Variants in MAP3K5 observed in about 807,000 individuals in gnomAD.
The protein encoded by MAP3K5 is mitogen-activated protein kinase kinase kinase 5.
MAP3K5 carries 56 observed loss-of-function variants against 158.7 expected under a neutral mutation model. That is an observed-to-expected ratio of 0.35 (90% CI 0.28 to 0.44). MAP3K5 has a LOEUF of 0.44. Ranked by LOEUF, MAP3K5 falls within the 20% of genes least tolerant of loss-of-function variation. MAP3K5 has a pLI of 1.00. For missense variants in MAP3K5, 1,294 were observed against 1,674.8 expected, an observed-to-expected ratio of 0.77 and a Z score of 3.97; for synonymous variants, 579 against 601.7, an observed-to-expected ratio of 0.96 and a Z score of 0.55.
chr6:136,749,562 G>T (rs1441933741), intron 1 of MAP3K5, among the ~76,000 whole-genome samples: 1 of 151,768 alleles, frequency 6.6e-6, no homozygotes, highest in Non-Finnish European at 1.5e-5. Flanking sequence ...CAGCACCTAG[G>T]GAATGCTCAT....
At chr6:136,708,690 A>G (rs1781179786) in intron 2 of MAP3K5, among the ~76,000 whole-genome samples, 1 of 152,206 alleles carries the variant, frequency 6.6e-6, no homozygotes, top group Non-Finnish European at 1.5e-5. Context: ...TTGTAGAGGA[A>G]GGTTGAAAGT....
chr6:136,792,112 A>C lies in MAP3K5; in HGVS notation c.46T>G (p.Phe16Val). 1 of 1,585,980 alleles carries C rather than the reference A, an allele frequency of 6.3e-7. No individual in the cohort carries two copies. Among genetic ancestry groups the C allele is most frequent in the South Asian group, 1.1e-5 (1 of 88,520 alleles). The change falls in exon 1 of 30, where the codon TTC becomes GTC. Residue 16 changes from phenylalanine to valine, a missense_variant. Coordinates refer to ENST00000359015, the MANE Select transcript of MAP3K5 (RefSeq NM_005923.4). This position sits in a 1 kb window ranked among gnomAD's most constrained non-coding sequence, Gnocchi z 5.7. ...ATGGTGCAGAAGCCCGAGGGGGCGA[A>C]GGGTGGCACAGAGAAAGTGATGCCC... ...DEGITFSVPP[F>V]APSGFCTIPE...
intron 11 of MAP3K5, among the ~76,000 whole-genome samples, chr6:136,650,176 G>A (rs556810517): frequency 6.6e-6 from 1 of 152,266 alleles, no homozygotes; most frequent in Admixed American, 6.5e-5. Context: ...CAGAGTAAGT[G>A]CTCAATAAAC....
At chr6:136,651,884 CTA>C (rs1345201910) in intron 10 of MAP3K5, among the ~76,000 whole-genome samples, 1 of 152,056 alleles carries the variant, frequency 6.6e-6, no homozygotes, top group South Asian at 2.1e-4. Context: ...TTCAAAGGTG[CTA>C]TGATTCATTA....
intron 26 of MAP3K5, among the ~76,000 whole-genome samples, chr6:136,566,161 G>A (rs562505802): frequency 2.0e-5 from 3 of 152,274 alleles, no homozygotes; most frequent in East Asian, 1.9e-4. Flanking sequence ...CGAGCACAAC[G>A]CTAACCAAAT....
chr6:136,580,530 G>A, intron 24 of MAP3K5, 124 bp from the exon 25 acceptor site: 1 of 566,974 alleles, frequency 1.8e-6, no homozygotes, highest in Non-Finnish European at 3.2e-6. Context: ...TGAATTCTTT[G>A]TAATTCTTTA....
intron 15 of MAP3K5, among the ~76,000 whole-genome samples, chr6:136,619,668 G>A (rs1391718417): frequency 2.0e-5 from 3 of 152,208 alleles, no homozygotes; most frequent in Non-Finnish European, 4.4e-5. Flanking sequence ...GACTAGGAGT[G>A]GAGGAAAGAG....
intron 24 of MAP3K5, among the ~76,000 whole-genome samples, chr6:136,582,983 C>T (rs1359485775): frequency 6.6e-6 from 1 of 152,188 alleles, no homozygotes; most frequent in African/African-American, 2.4e-5. Flanking sequence ...TCTCAGCAAT[C>T]TCTCATTAGA....
intron 1 of MAP3K5, among the ~76,000 whole-genome samples, chr6:136,759,337 T>C (rs1196132975): frequency 6.6e-6 from 1 of 151,524 alleles, no homozygotes; most frequent in African/African-American, 2.4e-5. Flanking sequence ...ACCATGTTCC[T>C]ATAAAGATAA....
intron 24 of MAP3K5, among the ~76,000 whole-genome samples, chr6:136,580,970 G>C (rs1363531479): frequency 6.6e-6 from 1 of 151,992 alleles, no homozygotes; most frequent in African/African-American, 2.4e-5. Context: ...ATGAGCCACC[G>C]TGCCTGGCCA....
At chr6:136,780,024 T>C (rs768583881) in intron 1 of MAP3K5, among the ~76,000 whole-genome samples, 4 of 152,202 alleles carry the variant, frequency 2.6e-5, no homozygotes, top group Non-Finnish European at 5.9e-5. Context: ...CTGCTGAGAA[T>C]GACCAACCTT....
At position 136,711,673 on chromosome 6, in the gene MAP3K5, AAG is replaced by A. The variant is rs1453467181; in HGVS notation, c.589-6542_589-6541del. On this transcript the variant is annotated intron_variant, in intron 2 of 29. Transcript: ENST00000359015. ...CAAAGTCAGACCTCTCAAAAAAAAA[AAG>A]AAAGAAAGAAAGAAAGAAAAAAGAA... Among the ~76,000 whole-genome samples the A allele has an allele frequency of 2.4e-4, 9 of 37,114 alleles. 1 individual carries two copies. Among genetic ancestry groups the A allele is most frequent in the African/African-American group, 9.9e-4 (8 of 8,052 alleles). 24.3% of individuals were successfully genotyped at this position (37,114 alleles called of 152,430 possible).
At chr6:136,731,321 G>C (rs1782214571) in intron 1 of MAP3K5, among the ~76,000 whole-genome samples, 2 of 152,208 alleles carry the variant, frequency 1.3e-5, no homozygotes, top group Admixed American at 1.3e-4. Context: ...TTACAAGCTT[G>C]ATGCCTTAAA....
intron 1 of MAP3K5, among the ~76,000 whole-genome samples, chr6:136,785,083 A>G (rs1345146877): frequency 6.6e-6 from 1 of 152,228 alleles, no homozygotes; most frequent in Non-Finnish European, 1.5e-5. Context: ...TATACTCGGA[A>G]AGTATATTGA....
At chr6:136,660,158 T>C (rs1465531141) in intron 8 of MAP3K5, among the ~76,000 whole-genome samples, 1 of 152,236 alleles carries the variant, frequency 6.6e-6, no homozygotes, top group African/African-American at 2.4e-5. Flanking sequence ...GCTGAAATTC[T>C]ATCAGTTGAA....
chr6:136,726,299 G>A (rs1016733412), intron 1 of MAP3K5, among the ~76,000 whole-genome samples: 12 of 152,122 alleles, frequency 7.9e-5, no homozygotes, highest in Non-Finnish European at 1.3e-4. Flanking sequence ...TAACAATATT[G>A]AGTCTTTCAA....
intron 9 of MAP3K5, among the ~76,000 whole-genome samples, chr6:136,658,305 CTTTCTTTCTTTTT>C (rs1181865597): frequency 8.9e-6 from 1 of 112,236 alleles, no homozygotes; most frequent in Non-Finnish European, 1.8e-5. Flanking sequence ...TTCTTTCTTT[CTTTCTTTCTTTTT>C]TTTTTTTTTT....
intron 1 of MAP3K5, among the ~76,000 whole-genome samples, chr6:136,759,180 A>C (rs1280618462): frequency 1.3e-5 from 2 of 152,098 alleles, no homozygotes; most frequent in East Asian, 3.9e-4. Context: ...AAAAAATAAA[A>C]TAAAAGAATA....
chr6:136,738,280 C>T (rs1266949418), intron 1 of MAP3K5, among the ~76,000 whole-genome samples: 10 of 152,152 alleles, frequency 6.6e-5, no homozygotes, highest in Non-Finnish European at 1.5e-4. Flanking sequence ...CCCCTACTTC[C>T]CTGGTCCAAG....
Sources: gnomAD v4.1 joint callset for allele counts (sites outside exome capture counted in the v4.1 genomes callset) on GRCh38, gnomAD v4.1.1 for gene constraint, Gnocchi (gnomAD v3.1) non-coding constraint, MANE v1.5 for transcripts, NCBI Gene and HGNC (gene_info 2026-07-23, HGNC 2026-07-21) for gene names.